Variants in NAV3 observed in about 807,000 individuals in gnomAD.
NAV3 encodes pore membrane and/or filament interacting like protein 1.
In NAV3, 87 loss-of-function variants were observed where a neutral mutation model predicts 244.7. That is an observed-to-expected ratio of 0.36 (90% confidence interval 0.30 to 0.42). The LOEUF (loss-of-function observed/expected upper bound fraction) is 0.42, where lower values mean the gene tolerates loss of function less well. Among genes scored for constraint, NAV3 ranks in the 20% least tolerant of loss-of-function variants. The pLI is 1.00. For missense variants in NAV3, 2,663 were observed against 2,893.3 expected (o/e 0.92, Z 1.83); for synonymous variants, 1,126 against 1,042.2 (o/e 1.08, Z -1.55).
chr12:77,814,700 C>T (rs1872459337), intron 2 of NAV3, among the ~76,000 whole-genome samples: 1 of 152,102 alleles, frequency 6.6e-6, no homozygotes, highest in South Asian at 2.1e-4. Context: ...GTGGCACTCA[C>T]CTGTGATTAA....
chr12:77,577,877 T>C (rs560663196), intron 2 of NAV3, among the ~76,000 whole-genome samples: 1 of 152,284 alleles, frequency 6.6e-6, no homozygotes, highest in Admixed American at 6.5e-5. Context: ...TTCTAAAATA[T>C]GTCCCATTTG....
chr12:77,897,983 T>A (rs75951638), intron 1 of NAV3, among the ~76,000 whole-genome samples: 528 of 152,330 alleles, frequency 3.5e-3, no homozygotes, highest in Non-Finnish European at 5.1e-3. Context: ...CAAGGAGTTT[T>A]CCTTTTAAGC....
intron 21 of NAV3, among the ~76,000 whole-genome samples, chr12:78,147,528 C>A (rs530965760): frequency 6.6e-6 from 1 of 150,872 alleles, no homozygotes; most frequent in Admixed American, 6.6e-5. Flanking sequence ...ATAAAATAGA[C>A]GCTGTATTTT....
chr12:78,121,064 TC>T (rs1476692584), intron 15 of NAV3, among the ~76,000 whole-genome samples: 2 of 152,188 alleles, frequency 1.3e-5, no homozygotes, highest in African/African-American at 4.8e-5. Context: ...AATAGTGCCC[TC>T]CTGTGGCCCA....
At chr12:77,939,910 A>C (rs1164319476) in intron 1 of NAV3, among the ~76,000 whole-genome samples, 7 of 152,210 alleles carry the variant, frequency 4.6e-5, no homozygotes, top group Admixed American at 2.6e-4. Context: ...GTTCTCAGAG[A>C]AACACAATTT....
At chr12:77,847,505 A>T (rs1123680) in intron 1 of NAV3, among the ~76,000 whole-genome samples, 4 of 152,026 alleles carry the variant, frequency 2.6e-5, no homozygotes, top group Non-Finnish European at 5.9e-5. Flanking sequence ...ATGAAATCCA[A>T]CTGAAAGCAA....
Position 78,188,689 on chromosome 12 carries a change from A to C in NAV3, c.5967A>C (p.Leu1989Phe). 1 of 1,612,516 alleles carries C rather than the reference A, an allele frequency of 6.2e-7. No individual in the cohort carries two copies. Among genetic ancestry groups the C allele is most frequent in the South Asian group, 1.1e-5 (1 of 91,036 alleles). Residue 1989 changes from leucine (L) to phenylalanine (F), a missense_variant, in exon 33 of 40, where the codon TTA becomes TTC. Transcript: ENST00000397909. ...TTGCTAGCTACTGTATAGGAGACTT[A>C]ATTAGATCCCATAACCTAGAAGTGC... ...DCIASYCIGD[L>F]IRSHNLEVPE... is the part of the protein sequence containing the mutation.
chr12:77,742,200 G>A (rs978415050), intron 2 of NAV3, among the ~76,000 whole-genome samples: 1 of 151,780 alleles, frequency 6.6e-6, no homozygotes, highest in Admixed American at 6.6e-5. Context: ...TGTTAACTTT[G>A]GGAGAGTTTT....
chr12:78,079,351 G>A (rs1593497733), intron 12 of NAV3, among the ~76,000 whole-genome samples: 1 of 152,074 alleles, frequency 6.6e-6, no homozygotes, highest in African/African-American at 2.4e-5. Flanking sequence ...AAAGAAATTT[G>A]CTTTAAAACA....
chr12:78,017,851 G>C (rs187536067), intron 8 of NAV3, among the ~76,000 whole-genome samples: 13 of 152,184 alleles, frequency 8.5e-5, no homozygotes, highest in Non-Finnish European at 1.5e-5. Context: ...TTGATCATTT[G>C]CATAAAAGGT....
chr12:77,612,703 T>C (rs1420252450), intron 2 of NAV3, among the ~76,000 whole-genome samples: 2 of 152,186 alleles, frequency 1.3e-5, no homozygotes, highest in Non-Finnish European at 2.9e-5. Flanking sequence ...AGGATTCTCA[T>C]AAACTGTTAT....
intron 22 of NAV3, among the ~76,000 whole-genome samples, chr12:78,156,390 GT>G (rs1409836699): frequency 3.3e-5 from 5 of 151,992 alleles, no homozygotes; most frequent in Non-Finnish European, 5.9e-5. Context: ...CCAGTTATAA[GT>G]TTTTTTGTGC....
chr12:77,974,107 A>G (rs796911980), intron 5 of NAV3, among the ~76,000 whole-genome samples: 9 of 152,126 alleles, frequency 5.9e-5, no homozygotes, highest in African/African-American at 1.9e-4. Context: ...TTATAGATGA[A>G]GATTATATTA....
chr12:78,038,517 A>C (rs1263478365), intron 9 of NAV3, among the ~76,000 whole-genome samples: 1 of 152,226 alleles, frequency 6.6e-6, no homozygotes, highest in East Asian at 1.9e-4. Context: ...TTATAGAGAT[A>C]GCAGAGGCAA....
chr12:78,037,034 G>T lies in NAV3; in HGVS notation c.2024-12959G>T, dbSNP rs187540523. ...TTGGAAATGCTGCCAAGGCCAGCCAGAGAGAAGCCAACTATGCAGAGCGGC... is the reference window on the plus strand; with the variant it reads ...TTGGAAATGCTGCCAAGGCCAGCCATAGAGAAGCCAACTATGCAGAGCGGC... On this transcript the variant is annotated intron_variant, in intron 9 of 39. Transcript: ENST00000397909. 14 of 702,984 alleles carry T rather than the reference G, an allele frequency of 2.0e-5. No homozygotes were observed. The Admixed American group carries it at 2.6e-4, about 13-fold the overall frequency. The allele number at this position is 702,984 out of a possible 1,614,324, so 43.5% of individuals were successfully genotyped here.
chr12:77,775,172 A>G (rs1870288801), intron 2 of NAV3, among the ~76,000 whole-genome samples: 1 of 152,050 alleles, frequency 6.6e-6, no homozygotes, highest in Non-Finnish European at 1.5e-5. Context: ...TGGGCAGATC[A>G]CCTGAGTTTG....
rs534153714 is a variant in NAV3 at position 77,653,321 on chromosome 12, G to A, written c.72+81055G>A. On this transcript the variant is annotated intron_variant, in intron 2 of 8. Coordinates refer to the NAV3 transcript ENST00000550042. ...GGTGCTAATTGAGTATTTGTTGACT[G>A]ACTGAATGAATAAATAAATATTCAG... is the stretch of plus-strand genomic sequence containing the variant. 2.0e-5 allele frequency among the ~76,000 whole-genome samples: 3 copies of A among 152,258 alleles called. No homozygotes were observed. The South Asian group carries it at 6.2e-4, about 32-fold the overall frequency.
At chr12:78,014,991 G>A (rs1442026796) in intron 8 of NAV3, among the ~76,000 whole-genome samples, 1 of 151,990 alleles carries the variant, frequency 6.6e-6, no homozygotes, top group Non-Finnish European at 1.5e-5. Context: ...GGTATTTTTA[G>A]GATGGAATAT....
intron 2 of NAV3, among the ~76,000 whole-genome samples, chr12:77,655,642 G>C (rs1313982077): frequency 6.6e-6 from 1 of 152,002 alleles, no homozygotes; most frequent in African/African-American, 2.4e-5. Context: ...GCAACTCCAA[G>C]ACACATAATT....
Sources: gnomAD v4.1 joint callset for allele counts (sites outside exome capture counted in the v4.1 genomes callset) on GRCh38, gnomAD v4.1.1 for gene constraint, MANE v1.5 for transcripts, NCBI Gene and HGNC (gene_info 2026-07-23, HGNC 2026-07-21) for gene names.